The following SAMMSON variants were observed in gnomAD, a reference collection of about 807,000 sequenced individuals.
SAMMSON encodes the protein survival associated mitochondrial melanoma specific oncogenic non-coding RNA.
chr3:70,236,105 G>T (rs1350936496), intron 4 of SAMMSON, among the ~76,000 whole-genome samples: 2 of 152,084 alleles, frequency 1.3e-5, no homozygotes, highest in Non-Finnish European at 2.9e-5. Context: ...TCTTTCCCTT[G>T]CTAACCTAAC....
chr3:70,275,289 G>A (rs893614008), intron 6 of SAMMSON, among the ~76,000 whole-genome samples: 10 of 152,104 alleles, frequency 6.6e-5, no homozygotes, highest in African/African-American at 1.9e-4. Flanking sequence ...TTGGCAGGCC[G>A]AGGCAGGAGG....
At chr3:70,113,856 GTC>G (rs138262432) in intron 4 of SAMMSON, among the ~76,000 whole-genome samples, 1,914 of 152,050 alleles carry the variant, frequency 0.013, 43 homozygotes, top group African/African-American at 0.044. Context: ...GACCAGGACT[GTC>G]TCTCTCTCTC....
At chr3:70,219,205 T>A (rs1445504989) in intron 4 of SAMMSON, among the ~76,000 whole-genome samples, 1 of 152,180 alleles carries the variant, frequency 6.6e-6, no homozygotes, top group Non-Finnish European at 1.5e-5. Flanking sequence ...TGCTCACATC[T>A]GCAAATTTGG....
intron 2 of SAMMSON, among the ~76,000 whole-genome samples, chr3:70,398,134 C>T (rs780293494): frequency 1.3e-5 from 2 of 152,100 alleles, no homozygotes; most frequent in African/African-American, 2.4e-5. Flanking sequence ...GAGAAAATTA[C>T]ATGAGTTATA....
chr3:70,127,843 T>C (rs936132293), intron 4 of SAMMSON: 1 of 152,238 alleles, frequency 6.6e-6, no homozygotes, highest in South Asian at 2.1e-4. Flanking sequence ...AGTTTCACCA[T>C]GTTGGCCAGG....
At position 70,197,179 on chromosome 3, in the gene SAMMSON, C is replaced by A. The variant is rs562568366; in HGVS notation, n.508-51928C>A. On this transcript the variant is annotated intron_variant and non_coding_transcript_variant, in intron 4 of 9. Transcript: ENST00000642114. ...CAGACAGGCGAGGATAAGGGAGGCA[C>A]ACTCCTCTGTTTAAAGAAGAAGACC... 2.0e-5 allele frequency: 8 copies of A among 398,486 alleles called. No homozygotes were observed. The South Asian group carries it at 8.9e-4, about 44-fold the overall frequency. 24.7% of individuals were successfully genotyped at this position (398,486 alleles called of 1,614,324 possible). A position where few individuals can be genotyped will look rare whatever the true frequency, so the allele number is the denominator to read the frequency against.
chr3:70,323,490 T>C (rs1702552288), intron 7 of SAMMSON, among the ~76,000 whole-genome samples: 1 of 152,178 alleles, frequency 6.6e-6, no homozygotes, highest in Non-Finnish European at 1.5e-5. Context: ...ATCCATGTTG[T>C]AAGCTGGTAC....
intron 1 of SAMMSON, among the ~76,000 whole-genome samples, chr3:70,000,501 C>G (rs2066901738): frequency 6.6e-6 from 1 of 152,184 alleles, no homozygotes; most frequent in African/African-American, 2.4e-5. Flanking sequence ...AAAGGATATT[C>G]TCAAAAAGCT....
chr3:70,173,301 G>T (rs889263744), intron 4 of SAMMSON, among the ~76,000 whole-genome samples: 1 of 151,808 alleles, frequency 6.6e-6, no homozygotes, highest in Non-Finnish European at 1.5e-5. Flanking sequence ...CACAGGACCC[G>T]TGGGATGTGC....
At chr3:70,272,061 C>T (rs897524743) in intron 6 of SAMMSON, 1 of 152,256 alleles carries the variant, frequency 6.6e-6, no homozygotes, top group Non-Finnish European at 1.5e-5. Flanking sequence ...CTGTGTCTGG[C>T]TATGGCTAAC....
At chr3:70,195,643 A>G (rs928662119) in intron 4 of SAMMSON, among the ~76,000 whole-genome samples, 2 of 152,170 alleles carry the variant, frequency 1.3e-5, no homozygotes, top group African/African-American at 4.8e-5. Context: ...AATTCCCTCA[A>G]TTCTCCATTT....
chr3:70,195,214 A>G (rs183712157), intron 4 of SAMMSON, among the ~76,000 whole-genome samples: 1 of 151,180 alleles, frequency 6.6e-6, no homozygotes, highest in Admixed American at 6.6e-5. Context: ...CTAGGAATCT[A>G]TTTTTTTTTC....
chr3:70,343,356 G>A (rs1207063240), intron 7 of SAMMSON, among the ~76,000 whole-genome samples: 3 of 151,890 alleles, frequency 2.0e-5, no homozygotes, highest in Non-Finnish European at 4.4e-5. Flanking sequence ...ATTACCTTTA[G>A]TATTAATAAT....
At position 70,270,958 on chromosome 3, in the gene SAMMSON, A is replaced by AATCG. The variant is rs557186910; in HGVS notation, n.675-20220_675-20217dup. On this transcript the variant is annotated intron_variant and non_coding_transcript_variant, in intron 6 of 9. Coordinates refer to ENST00000642114, the Ensembl canonical transcript of SAMMSON. ...AGATGATGGATTGATGGGTGCAGCA[A>AATCG]ATCGCCATGGCACATGTATACCTAT... Among the ~76,000 whole-genome samples the AATCG allele has an allele frequency of 5.2e-3, 784 of 152,222 alleles. 2 individuals are homozygous for AATCG. The highest frequency in any genetic ancestry group is 0.018 in the African/African-American group (732 of 41,522).
At chr3:70,168,702 G>A (rs754923400) in intron 4 of SAMMSON, among the ~76,000 whole-genome samples, 21 of 151,958 alleles carry the variant, frequency 1.4e-4, no homozygotes, top group Non-Finnish European at 2.8e-4. Flanking sequence ...AACATTAGGC[G>A]TACGTGGAGT....
chr3:70,072,646 G>GAAAAAAAAAAA (rs35807309), intron 4 of SAMMSON: 2 of 87,686 alleles, frequency 2.3e-5, no homozygotes, highest in Non-Finnish European at 4.6e-5. Context: ...AACAGCAAAG[G>GAAAAAAAAAAA]AAAAAAAAAA....
chr3:70,296,746 G>C (rs985046918), intron 7 of SAMMSON, among the ~76,000 whole-genome samples: 3 of 151,960 alleles, frequency 2.0e-5, no homozygotes, highest in African/African-American at 7.2e-5. Flanking sequence ...TTTAACTCCT[G>C]CTTGGGCTAC....
chr3:70,103,805 A>T (rs1446204457), intron 4 of SAMMSON, among the ~76,000 whole-genome samples: 1 of 152,210 alleles, frequency 6.6e-6, no homozygotes, highest in African/African-American at 2.4e-5. Context: ...AGAGGTTGCT[A>T]TAATTTCCTG....
chr3:70,038,739 G>T (rs185339663), intron 3 of SAMMSON, among the ~76,000 whole-genome samples: 32 of 152,254 alleles, frequency 2.1e-4, no homozygotes, highest in African/African-American at 7.7e-4. Flanking sequence ...GACTCTGGGA[G>T]CCCCACAGTC....
Sources: allele counts gnomAD v4.1 joint callset (sites outside exome capture counted in the v4.1 genomes callset), GRCh38; gene constraint gnomAD v4.1.1; transcripts MANE v1.5; gene names NCBI Gene and HGNC (gene_info 2026-07-23, HGNC 2026-07-21).